DLGAP4: variants seen among roughly 807,000 people sequenced by gnomAD.
DLGAP4 encodes DLG associated protein 4.
In DLGAP4, 18 loss-of-function variants were observed where a neutral mutation model predicts 86.9. The ratio of observed to expected loss-of-function variants is 0.21; its 90% CI spans 0.14 to 0.31. The LOEUF (loss-of-function observed/expected upper bound fraction) is 0.31. Ranked by LOEUF, DLGAP4 falls within the 10% of genes least tolerant of loss-of-function variation. The probability of loss-of-function intolerance (pLI) is 1.00; values close to 1 mark genes in which losing one functional copy is unlikely to be tolerated. For synonymous variants in DLGAP4, 548 were observed against 574.3 expected (o/e 0.95, Z 0.65); for missense variants, 1,085 against 1,362.6 (o/e 0.80, Z 3.21).
At chr20:36,497,150 G>T in intron 8 of DLGAP4, 84 bp downstream of exon 8, 2 of 1,510,100 alleles carry the variant, frequency 1.3e-6, no homozygotes, top group South Asian at 2.7e-5. Context: ...AGGCCCACTA[G>T]GTCTCCTGGG....
At chr20:36,368,710 G>A (rs1254124604) in intron 2 of DLGAP4, among the ~76,000 whole-genome samples, 2 of 152,236 alleles carry the variant, frequency 1.3e-5, no homozygotes, top group Non-Finnish European at 2.9e-5. Context: ...TTGTGCTCAA[G>A]GAATGCAAGG....
intron 7 of DLGAP4, among the ~76,000 whole-genome samples, chr20:36,469,449 G>T (rs537427968): frequency 2.0e-5 from 3 of 152,056 alleles, no homozygotes; most frequent in African/African-American, 7.2e-5. Context: ...TCTGCAAACC[G>T]AACTTCAAAA....
chr20:36,431,870 C>A lies in DLGAP4; in HGVS notation c.153C>A (p.Thr51=). 6.2e-7 allele frequency: 1 copy of A among 1,614,120 alleles called. No individual in the cohort carries two copies. The highest frequency in any genetic ancestry group is 1.1e-5 in the South Asian group (1 of 91,080). Residue 51 remains threonine (T), a synonymous_variant, in exon 3 of 13, where the codon ACC becomes ACA. Transcript: ENST00000339266. The surrounding 1 kb of genome is among the most constrained non-coding windows in gnomAD (Gnocchi z 5.1). ...AGGCCCGCTTCCCCGGGCAGAACAC[C>A]CTGCCAGGAGATGGCCTCTTTCCCC... is the stretch of plus-strand genomic sequence containing the variant. ...AREARFPGQN[T]LPGDGLFPLN... is the part of the protein sequence containing the mutation.
At chr20:36,382,527 C>CTTTTTTTTTTTTTTTTTTTTTT (rs749210064) in intron 2 of DLGAP4, among the ~76,000 whole-genome samples, 2 of 110,470 alleles carry the variant, frequency 1.8e-5, no homozygotes, top group East Asian at 2.9e-4. Flanking sequence ...TTCTTTTTTT[C>CTTTTTTTTTTTTTTTTTTTTTT]TTTTTTTTTT....
chr20:36,349,673 G>C (rs1600422300), intron 1 of DLGAP4, among the ~76,000 whole-genome samples: 3 of 152,184 alleles, frequency 2.0e-5, no homozygotes, highest in Admixed American at 2.0e-4. Flanking sequence ...AAAGGGCGAT[G>C]GATATGACGT....
rs773096580 is a variant in DLGAP4 at position 36,432,177 on chromosome 20, G to T, written c.460G>T (p.Ala154Ser). ...AGTCCAGCGGCTTTTCTTCACCAAGGCACCCTCACTGGAGGGCACAGCGGG... is the reference window on the plus strand; with the variant it reads ...AGTCCAGCGGCTTTTCTTCACCAAGTCACCCTCACTGGAGGGCACAGCGGG... ...HSVQRLFFTK[A>S]PSLEGTAGKV... The change falls in exon 3 of 13, where the codon GCA (alanine) becomes TCA (serine). Residue 154 changes from alanine (A) to serine (S), a missense_variant. Physicochemically the swap from Ala to Ser is moderately conservative, Grantham distance 99. Transcript: ENST00000339266. The surrounding 1 kb of genome is among the most constrained non-coding windows in gnomAD (Gnocchi z 6.5). 14 of 1,614,186 alleles carry T rather than the reference G, an allele frequency of 8.7e-6. No individual in the cohort carries two copies. Among genetic ancestry groups the T allele is most frequent in the Admixed American group, 6.7e-5 (4 of 60,034 alleles).
At chr20:36,463,769 A>G (rs1319693534) in intron 7 of DLGAP4, among the ~76,000 whole-genome samples, 1 of 152,200 alleles carries the variant, frequency 6.6e-6, no homozygotes, top group African/African-American at 2.4e-5. Flanking sequence ...CCTGTAGAGT[A>G]GGGGAACAAA....
chr20:36,320,535 T>G (rs1398638845), intron 1 of DLGAP4, among the ~76,000 whole-genome samples: 1 of 152,112 alleles, frequency 6.6e-6, no homozygotes, highest in Non-Finnish European at 1.5e-5. Context: ...GCCTGCGTCA[T>G]GCCCCCCACT....
intron 10 of DLGAP4, chr20:36,508,246 G>C (rs2036489889): frequency 6.6e-6 from 1 of 152,178 alleles, no homozygotes; most frequent in African/African-American, 2.4e-5. Context: ...ATCTGCCACA[G>C]CAAAGAAGCA....
intron 2 of DLGAP4, among the ~76,000 whole-genome samples, chr20:36,378,265 C>G (rs1393168940): frequency 1.3e-5 from 2 of 152,148 alleles, no homozygotes; most frequent in African/African-American, 4.8e-5. Context: ...GCCTCTTTTT[C>G]TTCATCTGTA....
chr20:36,423,531 C>T (rs530609240), intron 2 of DLGAP4, among the ~76,000 whole-genome samples: 1 of 151,002 alleles, frequency 6.6e-6, no homozygotes, highest in East Asian at 1.9e-4. Flanking sequence ...TCCACCATGC[C>T]GTGCAGCATT....
intron 2 of DLGAP4, among the ~76,000 whole-genome samples, chr20:36,380,089 G>C (rs1368048922): frequency 6.6e-6 from 1 of 151,916 alleles, no homozygotes; most frequent in Non-Finnish European, 1.5e-5. Flanking sequence ...GGACTGTGGT[G>C]TGAGAATCAT....
Position 36,420,472 on chromosome 20 carries a change from A to G in DLGAP4, c.-72-11174A>G, listed in dbSNP as rs145369840. On this transcript the variant is annotated intron_variant, in intron 2 of 12. Transcript: ENST00000339266. ...GGTAGGGCAAAAGCAGGAGCAAACC[A>G]TCCATGTCCCAAGGACAGAATGAAG... Among the ~76,000 whole-genome samples, 233 of 152,304 alleles carry G rather than the reference A, an allele frequency of 1.5e-3. 7 individuals are homozygous for G. The East Asian group carries it at 0.037, about 24-fold the overall frequency.
intron 2 of DLGAP4, among the ~76,000 whole-genome samples, chr20:36,401,108 G>A (rs904963036): frequency 5.5e-5 from 8 of 146,284 alleles, no homozygotes; most frequent in Non-Finnish European, 7.5e-5. Context: ...ACCTGGCCCC[G>A]GCCAATTGGG....
intron 2 of DLGAP4, among the ~76,000 whole-genome samples, chr20:36,396,410 TAC>T (rs533028500): frequency 5.0e-3 from 72 of 14,504 alleles, no homozygotes; most frequent in Non-Finnish European, 6.1e-3. Context: ...ACACACCACA[TAC>T]ACACACACAC....
chr20:36,357,748 C>T (rs2030377718), intron 1 of DLGAP4, among the ~76,000 whole-genome samples: 1 of 152,060 alleles, frequency 6.6e-6, no homozygotes, highest in Admixed American at 6.6e-5. Flanking sequence ...TGTGGCAGGC[C>T]CTGAGAGTGC....
chr20:36,314,232 A>G (rs1204527069), intron 1 of DLGAP4, among the ~76,000 whole-genome samples: 1 of 149,420 alleles, frequency 6.7e-6, no homozygotes, highest in South Asian at 2.1e-4. Context: ...TATGCATCCA[A>G]CCCTCATAGA....
chr20:36,494,106 A>G (rs1422435244), intron 7 of DLGAP4, among the ~76,000 whole-genome samples: 1 of 152,154 alleles, frequency 6.6e-6, no homozygotes, highest in Non-Finnish European at 1.5e-5. Flanking sequence ...TAGGTTGGTA[A>G]CCAGAGATGC....
rs769779205 is a variant in DLGAP4 at position 36,439,826 on chromosome 20, C to T, written c.1314C>T (p.Thr438=). The change falls in exon 5 of 13, where the codon ACC becomes ACT. Residue 438 remains threonine (T), a synonymous_variant. Coordinates refer to ENST00000339266, the MANE Select transcript of DLGAP4 (RefSeq NM_001365621.2). ...SKCPSWEEDY[T]PVSDSLNDSS... ...GTCCGAGCTGGGAAGAGGACTACAC[C>T]CCCGTCAGCGACAGCCTCAACGACT... 6 of 1,613,666 alleles carry T rather than the reference C, an allele frequency of 3.7e-6. No homozygotes were observed. Among genetic ancestry groups the T allele is most frequent in the Non-Finnish European group, 4.2e-6 (5 of 1,180,012 alleles).
Sources: gnomAD v4.1 joint callset for allele counts (sites outside exome capture counted in the v4.1 genomes callset) on GRCh38, gnomAD v4.1.1 for gene constraint, Gnocchi (gnomAD v3.1) non-coding constraint, MANE v1.5 for transcripts, NCBI Gene and HGNC (gene_info 2026-07-23, HGNC 2026-07-21) for gene names.